Variants in SOX6 observed in about 807,000 individuals in gnomAD.
SOX6 encodes the protein SRY-box transcription factor 6.
In SOX6, 11 loss-of-function variants were observed where a neutral mutation model predicts 97.8. That is an observed-to-expected ratio of 0.11 (90% CI 0.07 to 0.19). SOX6 has a LOEUF of 0.19. SOX6 is among the 10% of genes least tolerant of loss of function. The pLI is 1.00. For missense variants in SOX6, 810 were observed against 1,039.5 expected (o/e 0.78, Z 3.04); for synonymous variants, 360 against 371.4 (o/e 0.97, Z 0.35).
intron 3 of SOX6, among the ~76,000 whole-genome samples, chr11:16,273,675 A>G (rs1051974250): frequency 2.0e-5 from 3 of 152,060 alleles, no homozygotes; most frequent in Admixed American, 6.6e-5. Flanking sequence ...AAGAAAAAAA[A>G]CATGATCAAG....
intron 6 of SOX6, 100 bp downstream of exon 6, chr11:16,183,786 C>T: frequency 9.9e-7 from 1 of 1,013,032 alleles, no homozygotes; most frequent in Non-Finnish European, 1.5e-6. Flanking sequence ...CTTATTGGTG[C>T]TGTTTATAAG....
intron 1 of SOX6, among the ~76,000 whole-genome samples, chr11:16,413,194 G>C (rs1437321709): frequency 6.6e-6 from 1 of 152,134 alleles, no homozygotes; most frequent in Non-Finnish European, 1.5e-5. Flanking sequence ...AGTCCCAAAA[G>C]GGGGACAAAA....
At chr11:16,266,815 G>C (rs1016125763) in intron 3 of SOX6, among the ~76,000 whole-genome samples, 1 of 151,066 alleles carries the variant, frequency 6.6e-6, no homozygotes, top group African/African-American at 2.4e-5. Flanking sequence ...AATATACATG[G>C]TATTATTTTA....
chr11:16,653,805 C>G (rs890695763), intron 3 of SOX6, among the ~76,000 whole-genome samples: 1 of 152,054 alleles, frequency 6.6e-6, no homozygotes, highest in Non-Finnish European at 1.5e-5. Flanking sequence ...CTTCAACTTG[C>G]TATTGCTGTC....
intron 3 of SOX6, among the ~76,000 whole-genome samples, chr11:16,704,414 C>T (rs1501451): frequency 0.83 from 126,282 of 152,070 alleles, 52,514 homozygotes; most frequent in Middle Eastern, 0.9. Context: ...ATAGCAGGCT[C>T]TTATTAAAAA....
chr11:16,322,933 T>C (rs535711455), intron 2 of SOX6, among the ~76,000 whole-genome samples: 1 of 152,310 alleles, frequency 6.6e-6, no homozygotes, highest in East Asian at 1.9e-4. Context: ...ATTTTTCTTT[T>C]GAAAACAACC....
intron 6 of SOX6, among the ~76,000 whole-genome samples, chr11:16,175,179 T>C (rs948887167): frequency 1.3e-5 from 2 of 151,954 alleles, no homozygotes; most frequent in African/African-American, 4.8e-5. Flanking sequence ...TGTGTATAGA[T>C]ACAAATGTGT....
intron 9 of SOX6, among the ~76,000 whole-genome samples, chr11:16,063,070 A>T (rs1414557657): frequency 6.6e-6 from 1 of 151,742 alleles, no homozygotes; most frequent in Non-Finnish European, 1.5e-5. Flanking sequence ...TTTCAAGCAC[A>T]TATCCAGCAT....
intron 4 of SOX6, among the ~76,000 whole-genome samples, chr11:16,520,069 G>C (rs1194312628): frequency 6.6e-6 from 1 of 152,124 alleles, no homozygotes; most frequent in Non-Finnish European, 1.5e-5. Context: ...TTGTTGATTT[G>C]TGTAAATTCG....
chr11:16,572,562 TA>T (rs1476255314), intron 4 of SOX6, among the ~76,000 whole-genome samples: 2 of 152,198 alleles, frequency 1.3e-5, no homozygotes, highest in Non-Finnish European at 2.9e-5. Context: ...TACTACAATG[TA>T]AAATTAAGCC....
At chr11:16,219,432 A>T (rs1852472437) in intron 4 of SOX6, among the ~76,000 whole-genome samples, 1 of 152,052 alleles carries the variant, frequency 6.6e-6, no homozygotes, top group African/African-American at 2.4e-5. Context: ...AGAGTACACG[A>T]ATGAGTGCAT....
rs535316012 is a variant in SOX6 at position 16,551,013 on chromosome 11, T to C, written n.609+61068A>G. Among the ~76,000 whole-genome samples, 38 of 152,066 alleles carry C rather than the reference T, an allele frequency of 2.5e-4. 1 individual carries two copies. The highest frequency in any genetic ancestry group is 2.2e-3 in the Admixed American group (34 of 15,270). Reference sequence around the variant, plus strand: ...TGGGAGGATTGCTTGAGTCTAGCAGTTTGAGACCAGCCTAGGCAACATAGT... The same window carrying C: ...TGGGAGGATTGCTTGAGTCTAGCAGCTTGAGACCAGCCTAGGCAACATAGT... On this transcript the variant is annotated intron_variant and non_coding_transcript_variant, in intron 4 of 5. Transcript: ENST00000524520.
intron 4 of SOX6, among the ~76,000 whole-genome samples, chr11:16,560,396 T>C (rs1847794914): frequency 6.6e-6 from 1 of 151,632 alleles, no homozygotes; most frequent in Admixed American, 6.6e-5. Context: ...TACATATAAA[T>C]ATGTAAATAT....
At chr11:16,723,530 C>T (rs1210441303) in intron 2 of SOX6, among the ~76,000 whole-genome samples, 2 of 152,018 alleles carry the variant, frequency 1.3e-5, no homozygotes, top group African/African-American at 4.8e-5. Flanking sequence ...CCATCTACAG[C>T]CAGGCGCAAT....
chr11:16,612,777 G>A (rs1848414942), intron 3 of SOX6, among the ~76,000 whole-genome samples: 1 of 151,856 alleles, frequency 6.6e-6, no homozygotes, highest in South Asian at 2.1e-4. Context: ...AATGAGACGC[G>A]GATCACCCTC....
In SOX6 at chr11:16,132,385, AG is replaced by A. The variant is rs1181760567; in HGVS notation, c.778-20463del. On this transcript the variant is annotated intron_variant, in intron 6 of 15. Transcript: ENST00000683767. ...AAGAAAGAAAGAAAGAAAGAAAGAAAGAAAGAAAGAAAGAAAAAAGAAAGAA... is the reference window on the plus strand; with the variant it reads ...AAGAAAGAAAGAAAGAAAGAAAGAAAAAAGAAAGAAAGAAAAAAGAAAGAA... Among the ~76,000 whole-genome samples the A allele has an allele frequency of 1.3e-3, 127 of 96,470 alleles. 5 individuals carry two copies. Among genetic ancestry groups the A allele is most frequent in the Middle Eastern group, 8.3e-3 (2 of 240 alleles). The allele number at this position is 96,470 out of a possible 152,430, so 63.3% of individuals were successfully genotyped here.
chr11:15,979,125 A>C (rs1853590599), intron 15 of SOX6, among the ~76,000 whole-genome samples: 1 of 147,296 alleles, frequency 6.8e-6, no homozygotes, highest in African/African-American at 2.5e-5. Context: ...TGCAGAACTT[A>C]AAGTCCTGAT....
intron 6 of SOX6, among the ~76,000 whole-genome samples, chr11:16,117,626 G>T (rs1175850509): frequency 6.6e-6 from 1 of 152,164 alleles, no homozygotes; most frequent in East Asian, 1.9e-4. Context: ...AGGCTTGGTG[G>T]CCACCTAAGA....
At chr11:16,531,012 C>CTATA (rs142897878) in intron 4 of SOX6, among the ~76,000 whole-genome samples, 70 of 144,622 alleles carry the variant, frequency 4.8e-4, no homozygotes, top group African/African-American at 1.6e-3. Context: ...ATATATTCCT[C>CTATA]TATATATATA....
Sources: allele counts gnomAD v4.1 joint callset (sites outside exome capture counted in the v4.1 genomes callset), GRCh38; gene constraint gnomAD v4.1.1; transcripts MANE v1.5; gene names NCBI Gene and HGNC (gene_info 2026-07-23, HGNC 2026-07-21).